Variants in SCUBE1 observed in about 807,000 individuals in gnomAD.
SCUBE1 encodes signal peptide, CUB domain and EGF like domain containing 1.
Under a neutral mutation model 124.4 loss-of-function variants are expected in SCUBE1, and 59 were observed. That is an observed-to-expected ratio of 0.47 (90% CI 0.38 to 0.59). The LOEUF (loss-of-function observed/expected upper bound fraction) is 0.59. Ranked by LOEUF, SCUBE1 falls within the 20% of genes least tolerant of loss-of-function variation. The pLI is 0.00. For synonymous variants in SCUBE1, 545 were observed against 550.9 expected, an observed-to-expected ratio of 0.99 and a Z score of 0.15; for missense variants, 1,150 against 1,371.2, an observed-to-expected ratio of 0.84 and a Z score of 2.55.
At chr22:43,332,400 A>G (rs1203163194) in intron 2 of SCUBE1, among the ~76,000 whole-genome samples, 1 of 152,210 alleles carries the variant, frequency 6.6e-6, no homozygotes, top group South Asian at 2.1e-4. Context: ...TCCCATTCCC[A>G]GGTCCTGTCT....
At chr22:43,310,447 C>A (rs1290005288) in intron 3 of SCUBE1, among the ~76,000 whole-genome samples, 1 of 152,206 alleles carries the variant, frequency 6.6e-6, no homozygotes, top group Non-Finnish European at 1.5e-5. Context: ...TGTGGAAAGA[C>A]CACATAAAGA....
chr22:43,223,396 C>T (rs1922181557), intron 10 of SCUBE1, among the ~76,000 whole-genome samples, 180 bp from the exon 11 acceptor site: 1 of 152,096 alleles, frequency 6.6e-6, no homozygotes, highest in African/African-American at 2.4e-5. Context: ...GGATGCTGGG[C>T]CCAGACAGCT....
intron 10 of SCUBE1, among the ~76,000 whole-genome samples, chr22:43,226,717 A>T (rs1394281950): frequency 6.6e-6 from 1 of 152,060 alleles, no homozygotes; most frequent in Non-Finnish European, 1.5e-5. Flanking sequence ...GGGATGTCAG[A>T]GTGTGGCGGG....
chr22:43,248,387 T>G (rs1171420654), intron 6 of SCUBE1, among the ~76,000 whole-genome samples: 1 of 152,196 alleles, frequency 6.6e-6, no homozygotes, highest in African/African-American at 2.4e-5. Context: ...TCGTCTTTTC[T>G]CTACTAAGCC....
intron 4 of SCUBE1, among the ~76,000 whole-genome samples, chr22:43,286,168 G>C (rs1925133208): frequency 6.6e-6 from 1 of 152,224 alleles, no homozygotes; most frequent in Non-Finnish European, 1.5e-5. Flanking sequence ...CGTGTTTATT[G>C]AAACTGTCTT....
At chr22:43,238,501 A>C in intron 7 of SCUBE1, 1 of 581,830 alleles carries the variant, frequency 1.7e-6, no homozygotes, top group South Asian at 2.2e-5. Flanking sequence ...CCACACTATC[A>C]CTGAGGGCCC....
chr22:43,337,779 C>T (rs368518509), intron 2 of SCUBE1, among the ~76,000 whole-genome samples: 5 of 152,240 alleles, frequency 3.3e-5, no homozygotes, highest in African/African-American at 1.2e-4. Context: ...GCCCACAAAA[C>T]TCTAGCCCTG....
At chr22:43,269,077 G>A (rs1325766166) in intron 4 of SCUBE1, among the ~76,000 whole-genome samples, 1 of 152,132 alleles carries the variant, frequency 6.6e-6, no homozygotes, top group Admixed American at 6.5e-5. Context: ...CTCACAACAA[G>A]CCTGATGAGC....
chr22:43,208,481 C>A (rs2146651908), intron 19 of SCUBE1, among the ~76,000 whole-genome samples: 1 of 152,318 alleles, frequency 6.6e-6, no homozygotes, highest in Non-Finnish European at 1.5e-5. Context: ...CCCCCATCCC[C>A]TCCCAAGATC....
In SCUBE1 at chr22:43,234,679, C is replaced by T. The variant is rs1275252348; in HGVS notation, c.845-2804G>A. 6.6e-6 allele frequency among the ~76,000 whole-genome samples: 1 copy of T among 152,198 alleles called. No homozygotes were observed. The highest frequency in any genetic ancestry group is 2.4e-5 in the African/African-American group (1 of 41,456). On this transcript the variant is annotated intron_variant, in intron 7 of 21. Coordinates refer to ENST00000360835, the MANE Select transcript of SCUBE1 (RefSeq NM_173050.5). The surrounding 1 kb of genome is among the most constrained non-coding windows in gnomAD (Gnocchi z 4.4). The stretch of plus-strand genomic sequence containing the variant: ...GCTTTTGCACCTCTCTGCCCTTCCG[C>T]TCCTTCCTGGGTTCCCACCCCACCG...
chr22:43,253,296 C>T (rs764738754), intron 6 of SCUBE1, among the ~76,000 whole-genome samples: 1 of 152,198 alleles, frequency 6.6e-6, no homozygotes, highest in Non-Finnish European at 1.5e-5. Context: ...ATGATGAGCT[C>T]GTGAGAGAGG....
Position 43,199,840 on chromosome 22 carries a change from G to A in SCUBE1, c.*4157C>T, listed in dbSNP as rs1920976381. ...GAGGCTCTGGCATGGGGAAGGACTG[G>A]GAAAAGGCACAGCCTAATTCTGGGC... On this transcript the variant is annotated 3_prime_UTR_variant, in exon 22 of 22. Coordinates refer to ENST00000360835, the MANE Select transcript of SCUBE1 (RefSeq NM_173050.5). 1 of 154,136 alleles carries A rather than the reference G, an allele frequency of 6.5e-6. No individual in the cohort carries two copies. The highest frequency in any genetic ancestry group is 1.8e-4 in the South Asian group (1 of 5,416). 9.5% of individuals were successfully genotyped at this position (154,136 alleles called of 1,614,324 possible).
At chr22:43,280,442 C>G (rs1924733923) in intron 4 of SCUBE1, among the ~76,000 whole-genome samples, 1 of 122,170 alleles carries the variant, frequency 8.2e-6, no homozygotes, top group Non-Finnish European at 1.7e-5. Context: ...CTCACCCATC[C>G]CCCTGTCCCT....
At chr22:43,335,405 A>G (rs1927030718) in intron 2 of SCUBE1, among the ~76,000 whole-genome samples, 1 of 152,330 alleles carries the variant, frequency 6.6e-6, no homozygotes, top group East Asian at 1.9e-4. Flanking sequence ...CAGGGTCTAC[A>G]CAGGCCTCCA....
At chr22:43,289,067 G>C (rs969542994) in intron 4 of SCUBE1, among the ~76,000 whole-genome samples, 1 of 152,238 alleles carries the variant, frequency 6.6e-6, no homozygotes, top group African/African-American at 2.4e-5. Flanking sequence ...GCTCCACCTG[G>C]AGTCCTGCTG....
intron 3 of SCUBE1, among the ~76,000 whole-genome samples, chr22:43,294,238 A>C (rs923391107): frequency 6.6e-6 from 1 of 152,204 alleles, no homozygotes; most frequent in Non-Finnish European, 1.5e-5. Context: ...ATGGCTGCCA[A>C]ATCTCTTGGG....
chr22:43,288,213 A>G (rs1266612376), intron 4 of SCUBE1, among the ~76,000 whole-genome samples: 1 of 151,888 alleles, frequency 6.6e-6, no homozygotes, highest in East Asian at 1.9e-4. Context: ...TTAAAGCTGG[A>G]CTCCTGGCTT....
At chr22:43,220,426 C>A (rs771255027) in intron 14 of SCUBE1, 24 bp downstream of exon 14, 9 of 1,609,056 alleles carry the variant, frequency 5.6e-6, no homozygotes, top group Non-Finnish European at 7.6e-6. Flanking sequence ...CCTGCAGAAG[C>A]CCCCAGGAGA....
intron 8 of SCUBE1, 111 bp downstream of exon 8, chr22:43,231,642 C>G: frequency 7.3e-7 from 1 of 1,372,994 alleles, no homozygotes; most frequent in Non-Finnish European, 9.9e-7. Flanking sequence ...TCCCTCGGGC[C>G]CAGCCCCATC....
Sources: gnomAD v4.1 joint callset for allele counts (sites outside exome capture counted in the v4.1 genomes callset) on GRCh38, gnomAD v4.1.1 for gene constraint, Gnocchi (gnomAD v3.1) non-coding constraint, MANE v1.5 for transcripts, NCBI Gene and HGNC (gene_info 2026-07-23, HGNC 2026-07-21) for gene names.